The following IMMP2L variants were observed in gnomAD, a reference collection of about 807,000 sequenced individuals.
IMMP2L encodes the protein inner mitochondrial membrane peptidase subunit 2, also known as mitochondrial inner membrane protease subunit 2.
A neutral mutation model predicts 19.3 loss-of-function variants in IMMP2L; 18 were observed. That is an observed-to-expected ratio of 0.93 (90% CI 0.64 to 1.38). IMMP2L has a LOEUF of 1.38. Among genes scored for constraint, IMMP2L ranks in the 40% most tolerant of loss-of-function variants. The pLI is 0.00. For synonymous variants in IMMP2L, 76 were observed against 73.0 expected, an observed-to-expected ratio of 1.04 and a Z score of -0.21; for missense variants, 233 against 218.2, an observed-to-expected ratio of 1.07 and a Z score of -0.43.
chr7:111,440,168 A>G (rs1240761812), intron 3 of IMMP2L, among the ~76,000 whole-genome samples: 3 of 151,844 alleles, frequency 2.0e-5, no homozygotes. Flanking sequence ...TCATGTTGGT[A>G]TTTTGACCTC....
intron 3 of IMMP2L, among the ~76,000 whole-genome samples, chr7:111,055,127 T>C (rs1793385985): frequency 6.6e-6 from 1 of 151,574 alleles, no homozygotes; most frequent in Admixed American, 6.6e-5. Flanking sequence ...CACGTCTCAC[T>C]GCAGTCTCAA....
At chr7:111,292,394 T>C (rs1208582451) in intron 3 of IMMP2L, among the ~76,000 whole-genome samples, 1 of 152,098 alleles carries the variant, frequency 6.6e-6, no homozygotes, top group African/African-American at 2.4e-5. Flanking sequence ...ATTTGTACAG[T>C]TTGTTTTTCC....
At chr7:111,042,275 G>A (rs902827698) in intron 3 of IMMP2L, among the ~76,000 whole-genome samples, 12 of 152,094 alleles carry the variant, frequency 7.9e-5, no homozygotes, top group Non-Finnish European at 4.4e-5. Flanking sequence ...TGCCTCCTGG[G>A]TTCCAGTGAT....
intron 3 of IMMP2L, among the ~76,000 whole-genome samples, chr7:111,016,854 A>C (rs1194819577): frequency 2.3e-5 from 2 of 86,046 alleles, no homozygotes; most frequent in African/African-American, 4.9e-5. Flanking sequence ...TATAATATAT[A>C]TTATATAATA....
intron 5 of IMMP2L, among the ~76,000 whole-genome samples, chr7:110,706,067 T>C (rs963610261): frequency 6.6e-6 from 1 of 152,114 alleles, no homozygotes; most frequent in Non-Finnish European, 1.5e-5. Flanking sequence ...TATTTTCTTC[T>C]AGATATATAC....
intron 3 of IMMP2L, among the ~76,000 whole-genome samples, chr7:111,269,748 C>T (rs1484968538): frequency 6.6e-6 from 1 of 151,974 alleles, no homozygotes; most frequent in African/African-American, 2.4e-5. Flanking sequence ...AGTTAAGCCC[C>T]AGTATCCTAT....
intron 3 of IMMP2L, among the ~76,000 whole-genome samples, chr7:111,482,078 A>G (rs1167817771): frequency 1.3e-5 from 2 of 152,170 alleles, no homozygotes; most frequent in Non-Finnish European, 2.9e-5. Context: ...GCATTTTAGT[A>G]ATATATTTAT....
chr7:110,954,114 T>C (rs1818134250), intron 4 of IMMP2L, among the ~76,000 whole-genome samples: 1 of 152,104 alleles, frequency 6.6e-6, no homozygotes, highest in Admixed American at 6.6e-5. Context: ...CTTTTCTTTT[T>C]ATGTTTTATG....
intron 5 of IMMP2L, among the ~76,000 whole-genome samples, chr7:110,747,184 C>A (rs1797406376): frequency 6.6e-6 from 1 of 152,130 alleles, no homozygotes; most frequent in South Asian, 2.1e-4. Context: ...CATACACCCT[C>A]CTAAGACTAA....
chr7:111,558,427 C>G (rs1427814153), intron 1 of IMMP2L, among the ~76,000 whole-genome samples: 1 of 152,196 alleles, frequency 6.6e-6, no homozygotes, highest in African/African-American at 2.4e-5. Flanking sequence ...CAACTATTTA[C>G]TGAGAATTTA....
intron 4 of IMMP2L, among the ~76,000 whole-genome samples, chr7:110,950,872 G>GTATA (rs1817758285): frequency 1.2e-5 from 1 of 82,884 alleles, no homozygotes; most frequent in Non-Finnish European, 2.6e-5. Context: ...ATATATATAT[G>GTATA]TATATATATG....
rs192795744 is a variant in IMMP2L, at chr7:110,930,962, T to C, written c.305+32538A>G. Among the ~76,000 whole-genome samples, 6 of 152,328 alleles carry C rather than the reference T, an allele frequency of 3.9e-5. 1 individual carries two copies. Among genetic ancestry groups the C allele is most frequent in the African/African-American group, 1.4e-4 (6 of 41,574 alleles). ...CAATGGTTGAATCACTAATAAATTA[T>C]GTGATCTTAAAATACCCCATTCGGG... On this transcript the variant is annotated intron_variant, in intron 4 of 5. Coordinates refer to ENST00000405709, the MANE Select transcript of IMMP2L (RefSeq NM_032549.4).
intron 3 of IMMP2L, among the ~76,000 whole-genome samples, chr7:111,207,315 T>C (rs1217058303): frequency 2.6e-5 from 4 of 152,150 alleles, no homozygotes; most frequent in South Asian, 2.1e-4. Flanking sequence ...CATGGGGTCA[T>C]GAGAAGATTT....
At chr7:111,154,915 G>A (rs1051198427) in intron 3 of IMMP2L, among the ~76,000 whole-genome samples, 1 of 151,858 alleles carries the variant, frequency 6.6e-6, no homozygotes, top group African/African-American at 2.4e-5. Context: ...GCCCCACTAT[G>A]CTCAGGTAAT....
At chr7:110,898,063 A>T (rs1321722105) in intron 4 of IMMP2L, among the ~76,000 whole-genome samples, 1 of 151,818 alleles carries the variant, frequency 6.6e-6, no homozygotes, top group Non-Finnish European at 1.5e-5. Flanking sequence ...TTCCAAAGAA[A>T]GCATTATGAT....
At chr7:111,340,400 T>A (rs924338517) in intron 3 of IMMP2L, among the ~76,000 whole-genome samples, 1 of 152,052 alleles carries the variant, frequency 6.6e-6, no homozygotes, top group Non-Finnish European at 1.5e-5. Flanking sequence ...AAAAACAAAG[T>A]AATTATATCC....
At chr7:110,939,132 G>A (rs1339672327) in intron 4 of IMMP2L, among the ~76,000 whole-genome samples, 1 of 151,928 alleles carries the variant, frequency 6.6e-6, no homozygotes, top group Non-Finnish European at 1.5e-5. Flanking sequence ...TTATATATGA[G>A]AGTTACCTGG....
chr7:110,797,212 A>C (rs1211121625), intron 5 of IMMP2L, among the ~76,000 whole-genome samples: 1 of 152,010 alleles, frequency 6.6e-6, no homozygotes, highest in African/African-American at 2.4e-5. Flanking sequence ...AAATGCTATG[A>C]AATTTAAATT....
chr7:110,732,884 C>T (rs563809266), intron 5 of IMMP2L, among the ~76,000 whole-genome samples: 66 of 151,662 alleles, frequency 4.4e-4, no homozygotes, highest in Non-Finnish European at 6.3e-4. Flanking sequence ...CTTCAGGGCT[C>T]AAGAGATCCT....
Sources: gnomAD v4.1 joint callset for allele counts (sites outside exome capture counted in the v4.1 genomes callset) on GRCh38, gnomAD v4.1.1 for gene constraint, MANE v1.5 for transcripts, NCBI Gene and HGNC (gene_info 2026-07-23, HGNC 2026-07-21) for gene names.